CGNL1: variants seen among roughly 807,000 people sequenced by gnomAD.
CGNL1 encodes the protein cingulin like 1.
Under a neutral mutation model 141.2 loss-of-function variants are expected in CGNL1, and 132 were observed. The observed-to-expected ratio is 0.93, with a 90% CI of 0.81 to 1.08. The LOEUF (loss-of-function observed/expected upper bound fraction) is 1.08. Among genes scored for constraint, CGNL1 ranks in the 50% least tolerant of loss-of-function variants. CGNL1 has a pLI of 0.00. For missense variants in CGNL1, 1,870 were observed against 1,588.6 expected, an observed-to-expected ratio of 1.18 and a Z score of -3.01; for synonymous variants, 690 against 622.1, an observed-to-expected ratio of 1.11 and a Z score of -1.63.
At chr15:57,437,365 T>C (rs1486535070) in intron 1 of CGNL1, among the ~76,000 whole-genome samples, 2 of 152,110 alleles carry the variant, frequency 1.3e-5, no homozygotes, top group African/African-American at 2.4e-5. Context: ...TGATTCCTTA[T>C]GGTAAAAGTG....
At chr15:57,476,765 A>G (rs1264135715) in intron 8 of CGNL1, among the ~76,000 whole-genome samples, 1 of 152,210 alleles carries the variant, frequency 6.6e-6, no homozygotes, top group Non-Finnish European at 1.5e-5. Flanking sequence ...TTATTAGTTT[A>G]GTTTCATGAA....
chr15:57,384,148 T>C (rs1206467874), intron 1 of CGNL1, among the ~76,000 whole-genome samples: 1 of 152,064 alleles, frequency 6.6e-6, no homozygotes, highest in Non-Finnish European at 1.5e-5. Context: ...ACCAGTTAGC[T>C]GATTCTCCAG....
At chr15:57,382,298 A>C (rs542152941) in intron 1 of CGNL1, among the ~76,000 whole-genome samples, 23 of 152,348 alleles carry the variant, frequency 1.5e-4, no homozygotes, top group African/African-American at 5.3e-4. Flanking sequence ...TTTCAACCCG[A>C]GAAGGATCAG....
In CGNL1 at chr15:57,507,338, A is replaced by G. The variant is rs2064116530; in HGVS notation, c.2404-9442A>G. ...TGTGTCAAATGCATTCTGTGAGCAAATATGAGGATTTTATTGTCGTAACTT... is the reference window on the plus strand; with the variant it reads ...TGTGTCAAATGCATTCTGTGAGCAAGTATGAGGATTTTATTGTCGTAACTT... On this transcript the variant is annotated intron_variant, in intron 8 of 18. Transcript: ENST00000281282. Among the ~76,000 whole-genome samples the G allele has an allele frequency of 2.0e-5, 3 of 152,210 alleles. No individual in the cohort carries two copies. In the South Asian group the frequency reaches 6.2e-4, roughly 32 times the overall value.
chr15:57,506,354 T>G (rs1279570270), intron 8 of CGNL1, among the ~76,000 whole-genome samples: 1 of 152,214 alleles, frequency 6.6e-6, no homozygotes, highest in African/African-American at 2.4e-5. Context: ...CAAGGTTAGC[T>G]TAGACTGTGG....
chr15:57,530,455 G>A (rs1244544427), intron 13 of CGNL1, among the ~76,000 whole-genome samples: 2 of 152,192 alleles, frequency 1.3e-5, no homozygotes, highest in South Asian at 2.1e-4. Context: ...ACTACGTCTT[G>A]CCTGCTCCTT....
intron 4 of CGNL1, among the ~76,000 whole-genome samples, chr15:57,450,763 T>A (rs1274593214): frequency 6.6e-6 from 1 of 152,224 alleles, no homozygotes; most frequent in Non-Finnish European, 1.5e-5. Context: ...AATTGTTTTA[T>A]ATATTTTTGT....
chr15:57,400,505 G>C lies in CGNL1; in HGVS notation c.-16+23938G>C, dbSNP rs566962213. ...GCAGCTTGTTGCCTAAAAAGAAAAT[G>C]GTGGGCTTCACAGCACACACAGCTT... On this transcript the variant is annotated intron_variant, in intron 1 of 18. Transcript: ENST00000281282. Among the ~76,000 whole-genome samples, 21 of 152,222 alleles carry C rather than the reference G, an allele frequency of 1.4e-4. No individual in the cohort carries two copies. In the South Asian group the frequency reaches 4.4e-3, roughly 32 times the overall value.
chr15:57,395,686 C>T (rs1412031246), intron 1 of CGNL1, among the ~76,000 whole-genome samples: 3 of 152,294 alleles, frequency 2.0e-5, no homozygotes, highest in African/African-American at 7.2e-5. Context: ...CTGGGCACTA[C>T]GTTAAGCACG....
At chr15:57,447,307 C>T (rs967045425) in intron 4 of CGNL1, among the ~76,000 whole-genome samples, 1 of 152,232 alleles carries the variant, frequency 6.6e-6, no homozygotes, top group Non-Finnish European at 1.5e-5. Flanking sequence ...TGGTTTCCTT[C>T]AGCCTGGAGA....
rs1049170421 is a variant in CGNL1, at chr15:57,434,988, G to C, written c.-15-2997G>C. Among the ~76,000 whole-genome samples, 48 of 152,212 alleles carry C rather than the reference G, an allele frequency of 3.2e-4. No homozygotes were observed. The Middle Eastern group carries it at 0.01, about 32-fold the overall frequency. On this transcript the variant is annotated intron_variant, in intron 1 of 18. Coordinates refer to ENST00000281282, the MANE Select transcript of CGNL1 (RefSeq NM_032866.5). ...GAGAGCAATGAGACCCTAATATAGG[G>C]TAGGAGGAGGGAAGACTGTAAAAAA...
At chr15:57,482,453 G>A (rs543872658) in intron 8 of CGNL1, among the ~76,000 whole-genome samples, 1 of 152,294 alleles carries the variant, frequency 6.6e-6, no homozygotes, top group East Asian at 1.9e-4. Context: ...TCCATTTTGA[G>A]TTAAATTTTG....
intron 6 of CGNL1, 46 bp downstream of exon 6, chr15:57,452,335 G>T (rs1430325366): frequency 6.4e-7 from 1 of 1,565,566 alleles, no homozygotes; most frequent in Admixed American, 1.9e-5. Context: ...GGTTCTCTAT[G>T]ACATGTAGCT....
intron 14 of CGNL1, among the ~76,000 whole-genome samples, chr15:57,542,060 G>A (rs999256690): frequency 2.6e-5 from 4 of 152,284 alleles, no homozygotes; most frequent in East Asian, 1.9e-4. Context: ...TCAGGACAAG[G>A]GGAGCCAGGG....
At chr15:57,410,777 A>G (rs994015177) in intron 1 of CGNL1, among the ~76,000 whole-genome samples, 1 of 152,218 alleles carries the variant, frequency 6.6e-6, no homozygotes, top group Non-Finnish European at 1.5e-5. Flanking sequence ...CAAATCTTGT[A>G]TTAGTCAGGA....
At chr15:57,470,256 C>CTCTTTTTTTTTT (rs758575367) in intron 8 of CGNL1, among the ~76,000 whole-genome samples, 1 of 113,954 alleles carries the variant, frequency 8.8e-6, no homozygotes, top group East Asian at 2.7e-4. Flanking sequence ...TTTTGTCTCT[C>CTCTTTTTTTTTT]TTTTTTTTTT....
rs1292263457 is a variant in CGNL1, at chr15:57,446,691, ACACT to A, written c.1803+4220_1803+4223del. ...TTTTTTTTTTTTTTTTTTTGTAAAC[ACACT>A]CACTCATTTCTCTTGAGAATATATC... On this transcript the variant is annotated intron_variant, in intron 4 of 18. Transcript: ENST00000281282. 5.6e-5 allele frequency among the ~76,000 whole-genome samples: 8 copies of A among 141,598 alleles called. No homozygotes were observed. The South Asian group carries it at 6.6e-4, about 12-fold the overall frequency. The allele number at this position is 141,598 out of a possible 152,430, so 92.9% of individuals were successfully genotyped here. A position where few individuals can be genotyped will look rare whatever the true frequency, so the allele number is the denominator to read the frequency against.
intron 1 of CGNL1, 144 bp from the exon 2 acceptor site, chr15:57,437,841 C>T (rs1336987624): frequency 1.2e-6 from 1 of 827,804 alleles, no homozygotes; most frequent in Non-Finnish European, 1.9e-6. Flanking sequence ...CCCTTCAGCA[C>T]TTGGTTCTGA....
chr15:57,524,861 C>T (rs1046469916), intron 12 of CGNL1, 110 bp downstream of exon 12: 22 of 1,060,916 alleles, frequency 2.1e-5, no homozygotes, highest in Middle Eastern at 2.2e-4. Context: ...AGCTTTGGTG[C>T]TTGACTCTTC....
Sources: gnomAD v4.1 joint callset for allele counts (sites outside exome capture counted in the v4.1 genomes callset) on GRCh38, gnomAD v4.1.1 for gene constraint, MANE v1.5 for transcripts, NCBI Gene and HGNC (gene_info 2026-07-23, HGNC 2026-07-21) for gene names.